SCHIP1: variants seen among roughly 807,000 people sequenced by gnomAD.
SCHIP1 encodes the protein schwannomin interacting protein 1.
Under a neutral mutation model 29.7 loss-of-function variants are expected in SCHIP1, and 8 were observed. The ratio of observed to expected loss-of-function variants is 0.27; its 90% CI spans 0.16 to 0.49. SCHIP1 has a LOEUF of 0.49. SCHIP1 is among the 20% of genes least tolerant of loss of function. The pLI is 0.99. For synonymous variants in SCHIP1, 76 were observed against 94.9 expected, an observed-to-expected ratio of 0.80 and a Z score of 1.16; for missense variants, 193 against 294.6, an observed-to-expected ratio of 0.66 and a Z score of 2.52.
chr3:159,660,099 G>A, the SCHIP1 span, among the ~76,000 whole-genome samples: 1 of 152,136 alleles, frequency 6.6e-6, no homozygotes, highest in African/African-American at 2.4e-5. Context: ...CAGTGAATTA[G>A]AGTATTTTTG....
At chr3:159,322,521 G>T in the SCHIP1 span, among the ~76,000 whole-genome samples, 1 of 152,066 alleles carries the variant, frequency 6.6e-6, no homozygotes, top group African/African-American at 2.4e-5. Context: ...ACTCACCACC[G>T]CAGGGTCGCC....
At chr3:159,583,893 C>G in the SCHIP1 span, among the ~76,000 whole-genome samples, 1 of 152,142 alleles carries the variant, frequency 6.6e-6, no homozygotes, top group Non-Finnish European at 1.5e-5. Context: ...TGCCAATCGG[C>G]TCTTTATTCT....
At chr3:159,761,967 T>C in the SCHIP1 span, among the ~76,000 whole-genome samples, 2 of 152,160 alleles carry the variant, frequency 1.3e-5, no homozygotes, top group African/African-American at 4.8e-5. Context: ...GATCAGTACT[T>C]ATCTGTCTAC....
chr3:159,785,583 T>G, the SCHIP1 span, among the ~76,000 whole-genome samples: 3 of 151,702 alleles, frequency 2.0e-5, no homozygotes, highest in South Asian at 2.1e-4. Flanking sequence ...TTGTTGGTTT[T>G]TTTTTTTTTT....
the SCHIP1 span, among the ~76,000 whole-genome samples, chr3:159,494,325 T>G: frequency 6.6e-6 from 1 of 152,120 alleles, no homozygotes; most frequent in East Asian, 1.9e-4. Context: ...GCTGGTTTTT[T>G]GAAAAGATCA....
At chr3:159,680,824 C>T in the SCHIP1 span, among the ~76,000 whole-genome samples, 113 of 139,288 alleles carry the variant, frequency 8.1e-4, no homozygotes, top group African/African-American at 2.8e-3. Flanking sequence ...CCCAAAATAG[C>T]ATGAATAGCA....
At chr3:159,892,343 A>G in intron 6 of SCHIP1, 153 bp downstream of exon 7, 1 of 815,500 alleles carries the variant, frequency 1.2e-6, no homozygotes, top group Non-Finnish European at 2.0e-6. Context: ...GATGGAGGGG[A>G]AGCAGAATTC....
chr3:159,507,899 A>G, the SCHIP1 span, among the ~76,000 whole-genome samples: 3 of 152,064 alleles, frequency 2.0e-5, no homozygotes, highest in Non-Finnish European at 4.4e-5. Context: ...TTGCATCGAT[A>G]TTCATCAGGG....
At chr3:159,759,863 A>C in the SCHIP1 span, among the ~76,000 whole-genome samples, 1 of 152,148 alleles carries the variant, frequency 6.6e-6, no homozygotes, top group East Asian at 1.9e-4. Context: ...GCAAATAAAT[A>C]TTTTCCTGTC....
the SCHIP1 span, among the ~76,000 whole-genome samples, chr3:159,393,811 C>A: frequency 7.2e-5 from 11 of 151,750 alleles, no homozygotes; most frequent in Non-Finnish European, 1.5e-4. Context: ...TTTTTTGGTT[C>A]CATATGAACT....
chr3:159,368,537 C>A, the SCHIP1 span, among the ~76,000 whole-genome samples: 1 of 152,078 alleles, frequency 6.6e-6, no homozygotes, highest in East Asian at 1.9e-4. Context: ...TCGGTTATGA[C>A]CACAGAATTA....
the SCHIP1 span, among the ~76,000 whole-genome samples, chr3:159,477,250 C>T: frequency 2.6e-5 from 4 of 152,112 alleles, no homozygotes; most frequent in African/African-American, 9.7e-5. Flanking sequence ...CTGTGAACAT[C>T]AGAGTGCATG....
the SCHIP1 span, among the ~76,000 whole-genome samples, chr3:159,436,508 G>A: frequency 6.6e-6 from 1 of 152,122 alleles, no homozygotes; most frequent in African/African-American, 2.4e-5. Flanking sequence ...TACTAGAGGA[G>A]CTTTGTACCT....
intron 3 of SCHIP1, chr3:159,887,362 G>C (rs1717062210): frequency 4.0e-6 from 1 of 249,348 alleles, no homozygotes; most frequent in Non-Finnish European, 7.9e-6. Flanking sequence ...ATGAGATCCT[G>C]TCCACGCAAA....
At chr3:159,764,313 C>A in the SCHIP1 span, 1 of 1,152,524 alleles carries the variant, frequency 8.7e-7, no homozygotes, top group Non-Finnish European at 1.2e-6. This position sits in a 1 kb window ranked among gnomAD's most constrained non-coding sequence, Gnocchi z 6.1. Flanking sequence ...GCCCCCAGGC[C>A]TCCTTGGGGG....
the SCHIP1 span, among the ~76,000 whole-genome samples, chr3:159,800,364 T>C: frequency 1.3e-5 from 2 of 152,218 alleles, no homozygotes; most frequent in East Asian, 3.9e-4. Flanking sequence ...ATGTCACACC[T>C]GCTCCAGCAG....
At chr3:159,713,206 A>AAG in the SCHIP1 span, among the ~76,000 whole-genome samples, 105 of 140,522 alleles carry the variant, frequency 7.5e-4, no homozygotes, top group Non-Finnish European at 1.2e-3. Flanking sequence ...GAAAGAAAGA[A>AAG]AGAGAGAGAG....
At chr3:159,779,506 C>CAA in the SCHIP1 span, among the ~76,000 whole-genome samples, 16 of 129,126 alleles carry the variant, frequency 1.2e-4, no homozygotes, top group South Asian at 2.6e-4. Context: ...CTGTCTCTAC[C>CAA]AAAAAAAAAA....
At chr3:159,626,776 G>A in the SCHIP1 span, among the ~76,000 whole-genome samples, 1 of 152,142 alleles carries the variant, frequency 6.6e-6, no homozygotes, top group Non-Finnish European at 1.5e-5. Flanking sequence ...GAAGAAGCTG[G>A]TCTCCTAGAT....
Sources: gnomAD v4.1 joint callset for allele counts (sites outside exome capture counted in the v4.1 genomes callset) on GRCh38, gnomAD v4.1.1 for gene constraint, Gnocchi (gnomAD v3.1) non-coding constraint, MANE v1.5 for transcripts, NCBI Gene and HGNC (gene_info 2026-07-23, HGNC 2026-07-21) for gene names.